PAPOLG: variants seen among roughly 807,000 people sequenced by gnomAD.
PAPOLG encodes poly(A) polymerase gamma, also known as PAP-gamma.
A neutral mutation model predicts 99.0 loss-of-function variants in PAPOLG; 40 were observed. The observed-to-expected ratio is 0.40, with a 90% CI of 0.31 to 0.53. PAPOLG has a LOEUF of 0.53. PAPOLG is among the 20% of genes least tolerant of loss of function. The pLI, the probability that PAPOLG is intolerant of heterozygous loss-of-function variation, is 0.41. For missense variants in PAPOLG, 675 were observed against 884.1 expected, an observed-to-expected ratio of 0.76 and a Z score of 3.00; for synonymous variants, 310 against 299.3, an observed-to-expected ratio of 1.04 and a Z score of -0.37.
intron 15 of PAPOLG, 26 bp from the exon 16 acceptor site, chr2:60,791,735 C>A (rs779423770): frequency 1.3e-6 from 2 of 1,568,942 alleles, no homozygotes; most frequent in East Asian, 2.3e-5. Context: ...AGAAGTTTCC[C>A]ATTTAACATA....
intron 1 of PAPOLG, among the ~76,000 whole-genome samples, chr2:60,757,165 C>T (rs962337900): frequency 2.6e-5 from 4 of 152,202 alleles, no homozygotes; most frequent in Non-Finnish European, 4.4e-5. Context: ...ATAACATAAG[C>T]ATCATTTGTG....
chr2:60,797,322 C>G lies in PAPOLG; in HGVS notation c.*162C>G. On this transcript the variant is annotated 3_prime_UTR_variant, in exon 22 of 22. Transcript: ENST00000238714. The stretch of plus-strand genomic sequence containing the variant: ...GGTTTTTGAACTGTCAAACTTTGAC[C>G]TGTAGATGCTGTAGCATTCTCTCAC... The G allele has an allele frequency of 1.3e-6, 1 of 748,832 alleles. No homozygotes were observed. Among genetic ancestry groups the G allele is most frequent in the Non-Finnish European group, 2.2e-6 (1 of 463,572 alleles). The allele number at this position is 748,832 out of a possible 1,614,324, so 46.4% of individuals were successfully genotyped here. A position where few individuals can be genotyped will look rare whatever the true frequency, so the allele number is the denominator to read the frequency against.
chr2:60,765,130 A>G (rs948723689), intron 3 of PAPOLG, among the ~76,000 whole-genome samples: 1 of 152,048 alleles, frequency 6.6e-6, no homozygotes, highest in Admixed American at 6.6e-5. Context: ...AGTGGCATGC[A>G]TAATCATGGC....
chr2:60,776,931 TA>T (rs896168669), intron 8 of PAPOLG, among the ~76,000 whole-genome samples: 2 of 152,264 alleles, frequency 1.3e-5, no homozygotes, highest in African/African-American at 4.8e-5. Flanking sequence ...ATCTTCTGGA[TA>T]ACTTCCTGCA....
At chr2:60,772,708 A>T (rs1240183298) in intron 7 of PAPOLG, among the ~76,000 whole-genome samples, 4 of 152,048 alleles carry the variant, frequency 2.6e-5, no homozygotes, top group African/African-American at 9.7e-5. Flanking sequence ...AGATCATGCC[A>T]CCACAATCCA....
Position 60,791,777 on chromosome 2 carries a change from C to T in PAPOLG, c.1413C>T (p.Asn471=). 1.2e-6 allele frequency: 2 copies of T among 1,607,422 alleles called. No individual in the cohort carries two copies. The highest frequency in any genetic ancestry group is 1.1e-5 in the South Asian group (1 of 90,778). The change falls in exon 16 of 22, where the codon AAC becomes AAT. Residue 471 remains asparagine (N), a synonymous_variant. Transcript: ENST00000238714. ...TTGTTACAGTGTACAGACAGGCAAA[C>T]AATATAAATATGCTAAAGGAGGGAA... ...SFTDTVYRQA[N]NINMLKEGMK... is the part of the protein sequence containing the mutation.
intron 1 of PAPOLG, among the ~76,000 whole-genome samples, 190 bp from the exon 2 acceptor site, chr2:60,759,944 G>A (rs1379252041): frequency 6.6e-6 from 1 of 152,158 alleles, no homozygotes; most frequent in Admixed American, 6.5e-5. Context: ...CAGGCAGTAT[G>A]AATAGCCCCT....
In PAPOLG at chr2:60,795,040, C is replaced by A; in HGVS notation, c.2112+20C>A. The A allele has an allele frequency of 6.3e-7, 1 of 1,575,810 alleles. No individual in the cohort carries two copies. The highest frequency in any genetic ancestry group is 1.1e-5 in the South Asian group (1 of 90,132). On this transcript the variant is annotated intron_variant, in intron 21 of 21. Transcript: ENST00000238714. ...AAAAAGGTAACAAGATAGTCTTGTT[C>A]ATAGGTACAGTACATAGGTAAAAAC...
In PAPOLG at chr2:60,780,687, A is replaced by G. The variant is rs899328831; in HGVS notation, c.834-20A>G. ...CTGAAGTGAGATCATGTGTAAGTTA[A>G]TTTGCCTTATTCATGTCAGGGAATG... is the stretch of plus-strand genomic sequence containing the variant. On this transcript the variant is annotated intron_variant, in intron 9 of 21. Coordinates refer to ENST00000238714, the MANE Select transcript of PAPOLG (RefSeq NM_022894.4). 6.2e-7 allele frequency: 1 copy of G among 1,612,944 alleles called. No homozygotes were observed. Among genetic ancestry groups the G allele is most frequent in the Non-Finnish European group, 8.5e-7 (1 of 1,179,138 alleles).
At chr2:60,791,734 C>A in intron 15 of PAPOLG, 27 bp from the exon 16 acceptor site, 1 of 1,567,006 alleles carries the variant, frequency 6.4e-7, no homozygotes, top group Admixed American at 2.0e-5. Flanking sequence ...AAGAAGTTTC[C>A]CATTTAACAT....
intron 8 of PAPOLG, among the ~76,000 whole-genome samples, chr2:60,778,754 A>T (rs887875726): frequency 3.3e-5 from 5 of 152,344 alleles, no homozygotes; most frequent in African/African-American, 9.6e-5. Context: ...TATACTTAAG[A>T]TAAAGTAAAA....
rs577757057 is a variant in PAPOLG at position 60,786,831 on chromosome 2, G to A, written c.1167-116G>A. ...AGATGTGAGCCACCATGCCCAGCCC[G>A]AAGTTTTTTAATGAACATGTAAAGC... On this transcript the variant is annotated intron_variant, in intron 13 of 21. Coordinates refer to ENST00000238714, the MANE Select transcript of PAPOLG (RefSeq NM_022894.4). The A allele has an allele frequency of 4.3e-5, 56 of 1,303,566 alleles. No homozygotes were observed. The African/African-American group carries it at 6.4e-4, about 15-fold the overall frequency. 80.7% of individuals were successfully genotyped at this position (1,303,566 alleles called of 1,614,324 possible). A position where few individuals can be genotyped will look rare whatever the true frequency, so the allele number is the denominator to read the frequency against.
chr2:60,793,695 C>A lies in PAPOLG; in HGVS notation c.1748C>A (p.Ser583Tyr), dbSNP rs1671610743. The change falls in exon 18 of 22, where the codon TCC becomes TAC. Residue 583 changes from serine (S) to tyrosine (Y), a missense_variant. This residue lies in a region of PAPOLG where 413 missense variants were observed against 460.5 expected (regional missense o/e 0.90). Coordinates refer to ENST00000238714, the MANE Select transcript of PAPOLG (RefSeq NM_022894.4). ...PLSVPPAQGLSIPVIGAKVDS... is the reference protein window; with the variant it reads ...PLSVPPAQGLYIPVIGAKVDS... Reference sequence around the variant, plus strand: ...AGTGTACCACCAGCCCAAGGACTTTCCATTCCAGTGATTGGCGCAAGTAGG... The same window carrying A: ...AGTGTACCACCAGCCCAAGGACTTTACATTCCAGTGATTGGCGCAAGTAGG... 3 of 1,613,140 alleles carry A rather than the reference C, an allele frequency of 1.9e-6. No homozygotes were observed. The Admixed American group carries it at 5.0e-5, about 27-fold the overall frequency.
At chr2:60,772,743 G>A (rs559514166) in intron 7 of PAPOLG, among the ~76,000 whole-genome samples, 121 of 152,098 alleles carry the variant, frequency 8.0e-4, no homozygotes, top group African/African-American at 2.6e-3. Flanking sequence ...GCGAGTCTCC[G>A]TCTCAAAAAA....
rs1671129002 is a variant in PAPOLG at position 60,779,559 on chromosome 2, C to T, written c.695-78C>T. 2.1e-6 allele frequency: 3 copies of T among 1,454,208 alleles called. No individual in the cohort carries two copies. The South Asian group carries it at 4.1e-5, about 20-fold the overall frequency. The allele number at this position is 1,454,208 out of a possible 1,614,324, so 90.1% of individuals were successfully genotyped here. A position where few individuals can be genotyped will look rare whatever the true frequency, so the allele number is the denominator to read the frequency against. ...TTGAATGTCACGGATATTCATTCAC[C>T]TTGTAAAGAGCAGAAAAAAAAAGAA... On this transcript the variant is annotated intron_variant, in intron 8 of 21. Transcript: ENST00000238714.
In PAPOLG at chr2:60,778,339, T is replaced by TTTTA. The variant is rs550558897; in HGVS notation, c.695-1286_695-1283dup. ...TTTTATTTTATTTTATTTTATTTTATTTTATTTATTTATTTTTTAGCAGAG... is the reference window on the plus strand; with the variant it reads ...TTTTATTTTATTTTATTTTATTTTATTTTATTTATTTATTTATTTTTTAGCAGAG... On this transcript the variant is annotated intron_variant, in intron 8 of 21. Transcript: ENST00000238714. Among the ~76,000 whole-genome samples, 91 of 136,206 alleles carry TTTTA rather than the reference T, an allele frequency of 6.7e-4. 1 individual carries two copies. In the Admixed American group the frequency reaches 6.7e-3, roughly 10 times the overall value. 89.4% of individuals were successfully genotyped at this position (136,206 alleles called of 152,430 possible).
At chr2:60,774,916 C>T in intron 7 of PAPOLG, 118 bp from the exon 8 acceptor site, 1 of 1,481,616 alleles carries the variant, frequency 6.7e-7, no homozygotes, top group Non-Finnish European at 9.0e-7. Flanking sequence ...ATAAAATAAG[C>T]CCCAATGTTT....
chr2:60,786,609 A>G (rs555290430), intron 13 of PAPOLG, among the ~76,000 whole-genome samples: 158 of 152,040 alleles, frequency 1.0e-3, no homozygotes, highest in Non-Finnish European at 8.1e-4. Flanking sequence ...GCTCACTGCA[A>G]CCTCCACCTC....
chr2:60,758,709 A>G (rs1487267606), intron 1 of PAPOLG, among the ~76,000 whole-genome samples: 3 of 152,098 alleles, frequency 2.0e-5, no homozygotes, highest in African/African-American at 4.8e-5. Flanking sequence ...GATTACAGGC[A>G]TGAGGCACCA....
Sources: allele counts gnomAD v4.1 joint callset (sites outside exome capture counted in the v4.1 genomes callset), GRCh38; gene constraint gnomAD v4.1.1; regional missense constraint gnomAD v4.1.1; transcripts MANE v1.5; gene names NCBI Gene and HGNC (gene_info 2026-07-23, HGNC 2026-07-21).